The following PLCB1 variants were observed in gnomAD, a reference collection of about 807,000 sequenced individuals.
PLCB1 encodes the protein 1-phosphatidylinositol 4,5-bisphosphate phosphodiesterase beta-1.
Under a neutral mutation model 161.8 loss-of-function variants are expected in PLCB1, and 46 were observed. The observed-to-expected ratio is 0.28, with a 90% CI of 0.22 to 0.36. The LOEUF is 0.36. Ranked by LOEUF, PLCB1 falls within the 10% of genes least tolerant of loss-of-function variation. The pLI, the probability that PLCB1 is intolerant of heterozygous loss-of-function variation, is 1.00. For synonymous variants in PLCB1, 517 were observed against 503.7 expected (o/e 1.03, Z -0.35); for missense variants, 1,016 against 1,472.5 (o/e 0.69, Z 5.07).
chr20:8,816,547 T>G (rs1985094115), intron 31 of PLCB1, among the ~76,000 whole-genome samples: 2 of 152,180 alleles, frequency 1.3e-5, no homozygotes, highest in Admixed American at 6.5e-5. Context: ...AACAAAAACA[T>G]GTTCAGACAT....
At chr20:8,740,316 G>A (rs779627021) in intron 21 of PLCB1, 28 bp from the exon 22 acceptor site, 1 of 1,194,792 alleles carries the variant, frequency 8.4e-7, no homozygotes, top group Non-Finnish European at 1.2e-6. Flanking sequence ...GGAAATATGT[G>A]CTACACAGCA....
intron 3 of PLCB1, among the ~76,000 whole-genome samples, chr20:8,459,119 A>G (rs1273962282): frequency 2.0e-5 from 3 of 152,226 alleles, no homozygotes; most frequent in African/African-American, 7.2e-5. Flanking sequence ...CCATTTTTGT[A>G]GAAAAACAAT....
intron 3 of PLCB1, among the ~76,000 whole-genome samples, chr20:8,594,190 C>T (rs1228894282): frequency 6.6e-6 from 1 of 152,180 alleles, no homozygotes; most frequent in Non-Finnish European, 1.5e-5. Flanking sequence ...CATGAACCCT[C>T]ATGCCTAGCC....
chr20:8,594,853 G>C (rs143590050), intron 3 of PLCB1, among the ~76,000 whole-genome samples: 2 of 152,194 alleles, frequency 1.3e-5, no homozygotes, highest in East Asian at 3.9e-4. Flanking sequence ...TTCATTCTTA[G>C]ATAACAGAGT....
chr20:8,253,815 T>G (rs1285457612), intron 2 of PLCB1, among the ~76,000 whole-genome samples: 1 of 151,960 alleles, frequency 6.6e-6, no homozygotes, highest in Non-Finnish European at 1.5e-5. Flanking sequence ...TGTTGCTATC[T>G]TTGTGTTCAC....
chr20:8,317,695 C>T (rs1461555862), intron 2 of PLCB1, among the ~76,000 whole-genome samples: 6 of 152,168 alleles, frequency 3.9e-5, no homozygotes. Flanking sequence ...ATTCTTAGTG[C>T]TGTTCAGAGT....
intron 24 of PLCB1, among the ~76,000 whole-genome samples, 194 bp from the exon 25 acceptor site, chr20:8,760,213 C>A (rs1040269749): frequency 2.6e-5 from 4 of 152,118 alleles, no homozygotes; most frequent in Non-Finnish European, 4.4e-5. Flanking sequence ...CCTAATGTTA[C>A]ATTTAATTAG....
Position 8,201,732 on chromosome 20 carries a change from T to C in PLCB1, c.177+51361T>C, listed in dbSNP as rs115130562. On this transcript the variant is annotated intron_variant, in intron 2 of 31. Coordinates refer to ENST00000338037, the MANE Select transcript of PLCB1 (RefSeq NM_015192.4). ...AAGTTATAGATAGCCTGAAAAGCAA[T>C]GTGAAAAGCAATGCTTCATCTCTGA... is the stretch of plus-strand genomic sequence containing the variant. Among the ~76,000 whole-genome samples the C allele has an allele frequency of 8.1e-3, 1,226 of 152,296 alleles. 18 individuals carry two copies. The highest frequency in any genetic ancestry group is 0.027 in the African/African-American group (1,127 of 41,566).
intron 3 of PLCB1, among the ~76,000 whole-genome samples, chr20:8,622,325 C>T (rs1367486983): frequency 6.6e-6 from 1 of 151,768 alleles, no homozygotes; most frequent in Admixed American, 6.6e-5. Flanking sequence ...CCATAGAATA[C>T]ATGAAGATTA....
At chr20:8,342,806 C>T (rs1985859089) in intron 2 of PLCB1, among the ~76,000 whole-genome samples, 1 of 152,138 alleles carries the variant, frequency 6.6e-6, no homozygotes, top group African/African-American at 2.4e-5. Context: ...AATGACTTTA[C>T]ATATAAAACC....
intron 3 of PLCB1, among the ~76,000 whole-genome samples, chr20:8,627,556 A>T (rs764724090): frequency 6.6e-6 from 1 of 152,194 alleles, no homozygotes; most frequent in Non-Finnish European, 1.5e-5. Flanking sequence ...GGCCTGTCCT[A>T]TGGGAGGAAA....
Position 8,414,368 on chromosome 20 carries a change from A to G in PLCB1, c.246+42918A>G, listed in dbSNP as rs574380904. 1.1e-3 allele frequency among the ~76,000 whole-genome samples: 172 copies of G among 152,326 alleles called. 1 individual carries two copies. The highest frequency in any genetic ancestry group is 3.7e-3 in the African/African-American group (153 of 41,574). ...AAACAAAAACAAAAAACAAACAAAC[A>G]AAAACTTGGAAATAAGATTTGTGAA... On this transcript the variant is annotated intron_variant, in intron 3 of 31. Coordinates refer to ENST00000338037, the MANE Select transcript of PLCB1 (RefSeq NM_015192.4).
intron 7 of PLCB1, chr20:8,651,817 C>T (rs897567850): frequency 2.1e-5 from 6 of 282,116 alleles, no homozygotes; most frequent in African/African-American, 4.3e-5. Flanking sequence ...AAACAATGCT[C>T]GCAAATCCCT....
chr20:8,524,187 A>G (rs1474679707), intron 3 of PLCB1, among the ~76,000 whole-genome samples: 2 of 152,226 alleles, frequency 1.3e-5, no homozygotes, highest in African/African-American at 4.8e-5. Flanking sequence ...TCAAAACTAT[A>G]ATATTCTATA....
intron 2 of PLCB1, among the ~76,000 whole-genome samples, chr20:8,358,352 G>A (rs751784272): frequency 6.6e-6 from 1 of 152,076 alleles, no homozygotes; most frequent in South Asian, 2.1e-4. Context: ...GGGTTCGAGC[G>A]ATTCTTCCAC....
chr20:8,865,568 T>C (rs1987399603), intron 31 of PLCB1, among the ~76,000 whole-genome samples: 1 of 152,222 alleles, frequency 6.6e-6, no homozygotes, highest in Non-Finnish European at 1.5e-5. Flanking sequence ...TTATTTCTTT[T>C]TTGTACAATA....
At chr20:8,717,363 T>A (rs1402231202) in intron 13 of PLCB1, among the ~76,000 whole-genome samples, 1 of 152,194 alleles carries the variant, frequency 6.6e-6, no homozygotes, top group Non-Finnish European at 1.5e-5. Flanking sequence ...TAAATCAAGA[T>A]GATTGGGTTT....
At chr20:8,281,065 A>G (rs149992310) in intron 2 of PLCB1, among the ~76,000 whole-genome samples, 18 of 152,344 alleles carry the variant, frequency 1.2e-4, no homozygotes, top group African/African-American at 3.8e-4. Context: ...AAAAAAATTA[A>G]TAACCTTTCT....
chr20:8,736,894 T>G (rs1422338292), intron 19 of PLCB1, 134 bp from the exon 20 acceptor site: 1 of 660,278 alleles, frequency 1.5e-6, no homozygotes, highest in Non-Finnish European at 2.6e-6. Flanking sequence ...ATTTCTACTC[T>G]TGCTTCTATT....
Sources: allele counts gnomAD v4.1 joint callset (sites outside exome capture counted in the v4.1 genomes callset), GRCh38; gene constraint gnomAD v4.1.1; transcripts MANE v1.5; gene names NCBI Gene and HGNC (gene_info 2026-07-23, HGNC 2026-07-21).